Variants in VTCN1 observed in about 807,000 individuals in gnomAD.
The protein encoded by VTCN1 is V-set domain-containing T-cell activation inhibitor 1.
A neutral mutation model predicts 26.5 loss-of-function variants in VTCN1; 26 were observed. The ratio of observed to expected loss-of-function variants is 0.98; its 90% confidence interval spans 0.72 to 1.36. The LOEUF (loss-of-function observed/expected upper bound fraction) is 1.36, where lower values mean the gene tolerates loss of function less well. Ranked by LOEUF, VTCN1 falls within the 40% of genes most tolerant of loss-of-function variation. The probability of loss-of-function intolerance (pLI) is 0.00; values close to 1 mark genes in which losing one functional copy is unlikely to be tolerated. For synonymous variants in VTCN1, 116 were observed against 130.7 expected, an observed-to-expected ratio of 0.89 and a Z score of 0.77; for missense variants, 298 against 337.7, an observed-to-expected ratio of 0.88 and a Z score of 0.92.
chr1:117,151,775 A>G (rs901962339), intron 4 of VTCN1, among the ~76,000 whole-genome samples: 7 of 151,922 alleles, frequency 4.6e-5, no homozygotes, highest in African/African-American at 1.7e-4. Context: ...ACTTTATACT[A>G]TTTTCTATAG....
rs1223484893 is a variant in VTCN1 at position 117,169,955 on chromosome 1, T to C, written c.97+152A>G. The C allele has an allele frequency of 2.9e-6, 2 of 682,730 alleles. No homozygotes were observed. The highest frequency in any genetic ancestry group is 1.8e-5 in the African/African-American group (1 of 55,568). The allele number at this position is 682,730 out of a possible 1,614,324, so 42.3% of individuals were successfully genotyped here. ...TGAAGTCGAGGACTTAACTGACTAATGTAGAGAAAGCACAAGAAGTAGAAG... is the reference window on the plus strand; with the variant it reads ...TGAAGTCGAGGACTTAACTGACTAACGTAGAGAAAGCACAAGAAGTAGAAG... On this transcript the variant is annotated intron_variant, in intron 2 of 5. Transcript: ENST00000369458. This position sits in a 1 kb window ranked among gnomAD's most constrained non-coding sequence, Gnocchi z 4.0.
At chr1:117,181,253 C>A (rs367652152) in intron 1 of VTCN1, among the ~76,000 whole-genome samples, 1,117 of 126,052 alleles carry the variant, frequency 8.9e-3, no homozygotes, top group Middle Eastern at 0.012. Context: ...CCTGTCTTTA[C>A]AAAAAAAAAA....
At chr1:117,192,158 G>T (rs1227940194) in intron 1 of VTCN1, among the ~76,000 whole-genome samples, 2 of 152,034 alleles carry the variant, frequency 1.3e-5, no homozygotes, top group East Asian at 1.9e-4. Flanking sequence ...GAAAAAACAG[G>T]CTTGTCACAT....
intron 2 of VTCN1, among the ~76,000 whole-genome samples, chr1:117,157,881 T>C (rs1304536342): frequency 6.6e-6 from 1 of 152,106 alleles, no homozygotes; most frequent in African/African-American, 2.4e-5. Flanking sequence ...ATTGGGTAAA[T>C]ACAGTCATTC....
chr1:117,153,049 T>A, intron 4 of VTCN1, 42 bp downstream of exon 4: 1 of 1,566,840 alleles, frequency 6.4e-7, no homozygotes, highest in Non-Finnish European at 8.7e-7. Context: ...TAGATTTTAC[T>A]CTTTCCCCAG....
rs1053964321 is a variant in VTCN1, at chr1:117,208,887, G to A, written c.32+1937C>T. Among the ~76,000 whole-genome samples, 13 of 152,152 alleles carry A rather than the reference G, an allele frequency of 8.5e-5. No individual in the cohort carries two copies. The East Asian group carries it at 2.5e-3, about 29-fold the overall frequency. On this transcript the variant is annotated intron_variant, in intron 1 of 5. Coordinates refer to ENST00000369458, the MANE Select transcript of VTCN1 (RefSeq NM_024626.4). Reference sequence around the variant, plus strand: ...CAGAGGATGGCAGGCCCTTTCATGAGCGTTCCAACATCACCACTGTCATGA... The same window carrying A: ...CAGAGGATGGCAGGCCCTTTCATGAACGTTCCAACATCACCACTGTCATGA...
At chr1:117,195,805 C>G (rs1337355223) in intron 1 of VTCN1, among the ~76,000 whole-genome samples, 1 of 152,098 alleles carries the variant, frequency 6.6e-6, no homozygotes, top group Non-Finnish European at 1.5e-5. Flanking sequence ...GGAATTTATT[C>G]TACAGAATCA....
Position 117,170,368 on chromosome 1 carries a change from C to T in VTCN1, c.33-197G>A, listed in dbSNP as rs979014720. 4.4e-6 allele frequency: 3 copies of T among 682,534 alleles called. No homozygotes were observed. The Admixed American group carries it at 5.4e-5, about 12-fold the overall frequency. 42.3% of individuals were successfully genotyped at this position (682,534 alleles called of 1,614,324 possible). A position where few individuals can be genotyped will look rare whatever the true frequency, so the allele number is the denominator to read the frequency against. On this transcript the variant is annotated intron_variant, in intron 1 of 5. Transcript: ENST00000369458. ...CAATTCCATCCCCATCCCCCTGGGG[C>T]TCTGGGATCAATGAAAAGAGTGACC... is the stretch of plus-strand genomic sequence containing the variant.
chr1:117,170,334 G>A (rs781001957), intron 1 of VTCN1, 163 bp from the exon 2 acceptor site: 1 of 744,986 alleles, frequency 1.3e-6, no homozygotes, highest in East Asian at 2.6e-5. Context: ...CCTTAGAAAG[G>A]AATTTCAGCA....
chr1:117,190,569 G>C (rs1226022530), intron 1 of VTCN1, among the ~76,000 whole-genome samples: 1 of 152,164 alleles, frequency 6.6e-6, no homozygotes, highest in African/African-American at 2.4e-5. Flanking sequence ...TCCTGAGGCA[G>C]ACCTTTGGTT....
intron 1 of VTCN1, among the ~76,000 whole-genome samples, chr1:117,198,687 G>C (rs1030616980): frequency 6.6e-6 from 1 of 152,134 alleles, no homozygotes; most frequent in Non-Finnish European, 1.5e-5. Flanking sequence ...ACTAAGATGA[G>C]AATAATACCC....
intron 1 of VTCN1, 96 bp downstream of exon 1, chr1:117,210,728 G>T: frequency 7.7e-7 from 1 of 1,299,288 alleles, no homozygotes; most frequent in Non-Finnish European, 1.1e-6. Context: ...ATTACAGGTG[G>T]GGTCCTATGG....
At chr1:117,188,839 G>A (rs1007799806) in intron 1 of VTCN1, among the ~76,000 whole-genome samples, 2 of 152,084 alleles carry the variant, frequency 1.3e-5, no homozygotes, top group African/African-American at 4.8e-5. Context: ...GGTTTTATGC[G>A]AATAATTTTA....
chr1:117,192,084 T>G (rs1349806223), intron 1 of VTCN1, among the ~76,000 whole-genome samples: 2 of 151,882 alleles, frequency 1.3e-5, no homozygotes, highest in African/African-American at 4.8e-5. Context: ...CAAAGAATAT[T>G]ACTCCAAGAC....
At chr1:117,201,029 C>G (rs538724352) in intron 1 of VTCN1, among the ~76,000 whole-genome samples, 1 of 152,312 alleles carries the variant, frequency 6.6e-6, no homozygotes, top group African/African-American at 2.4e-5. Flanking sequence ...GATCTGCCCC[C>G]CTTGGCCTCC....
chr1:117,178,610 T>TTTTC (rs60314298), intron 1 of VTCN1, among the ~76,000 whole-genome samples: 1 of 148,934 alleles, frequency 6.7e-6, no homozygotes, highest in East Asian at 2.0e-4. Flanking sequence ...TTTTTTTTTT[T>TTTTC]AGAGACAGGG....
chr1:117,172,616 T>C (rs527880335), intron 1 of VTCN1, among the ~76,000 whole-genome samples: 2 of 152,232 alleles, frequency 1.3e-5, no homozygotes, highest in South Asian at 4.1e-4. Flanking sequence ...ATTCCTGCTT[T>C]ACCTATTATA....
intron 2 of VTCN1, among the ~76,000 whole-genome samples, chr1:117,162,411 T>C (rs1652412369): frequency 6.6e-6 from 1 of 152,326 alleles, no homozygotes; most frequent in Non-Finnish European, 1.5e-5. Context: ...TGGCCTCCTA[T>C]GACTCTCCAG....
chr1:117,160,918 A>G (rs1652334309), intron 2 of VTCN1, among the ~76,000 whole-genome samples: 1 of 152,206 alleles, frequency 6.6e-6, no homozygotes, highest in African/African-American at 2.4e-5. Flanking sequence ...CAGCAGAAAG[A>G]ACAGAAGGCT....
Sources: gnomAD v4.1 joint callset for allele counts (sites outside exome capture counted in the v4.1 genomes callset) on GRCh38, gnomAD v4.1.1 for gene constraint, Gnocchi (gnomAD v3.1) non-coding constraint, MANE v1.5 for transcripts, NCBI Gene and HGNC (gene_info 2026-07-23, HGNC 2026-07-21) for gene names.